The following GPHN variants were observed in gnomAD, a reference collection of about 807,000 sequenced individuals.
The protein encoded by GPHN is gephyrin.
In GPHN, 17 loss-of-function variants were observed where a neutral mutation model predicts 95.5. The ratio of observed to expected loss-of-function variants is 0.18; its 90% CI spans 0.12 to 0.27. The LOEUF (loss-of-function observed/expected upper bound fraction) is 0.27, where lower values mean the gene tolerates loss of function less well. Among genes scored for constraint, GPHN ranks in the 10% least tolerant of loss-of-function variants. The pLI, the probability that GPHN is intolerant of heterozygous loss-of-function variation, is 1.00. For synonymous variants in GPHN, 320 were observed against 322.5 expected (o/e 0.99, Z 0.08); for missense variants, 660 against 978.1 (o/e 0.67, Z 4.34).
At chr14:67,103,509 CTCTTT>C (rs2077849006) in intron 13 of GPHN, among the ~76,000 whole-genome samples, 1 of 65,610 alleles carries the variant, frequency 1.5e-5, no homozygotes, top group African/African-American at 6.7e-5. Flanking sequence ...CTGTTTCTTT[CTCTTT>C]TTTTTTTTTT....
intron 3 of GPHN, among the ~76,000 whole-genome samples, chr14:66,809,272 G>A (rs1566968021): frequency 6.6e-6 from 1 of 151,922 alleles, no homozygotes; most frequent in Non-Finnish European, 1.5e-5. Context: ...AAGTACTGGG[G>A]GTATATCACA....
the GPHN span, among the ~76,000 whole-genome samples, chr14:67,213,797 C>T: frequency 1.3e-5 from 2 of 152,152 alleles, no homozygotes; most frequent in Non-Finnish European, 2.9e-5. Flanking sequence ...TAAAAGTGTT[C>T]CTATTTCTCC....
At chr14:66,729,198 A>T (rs1044898136) in intron 2 of GPHN, among the ~76,000 whole-genome samples, 4 of 152,084 alleles carry the variant, frequency 2.6e-5, no homozygotes, top group Non-Finnish European at 5.9e-5. Context: ...AAACCTCTTT[A>T]TTTTGTAAAT....
chr14:67,692,290 T>C, the GPHN span: 2 of 754,472 alleles, frequency 2.7e-6, no homozygotes, highest in East Asian at 2.6e-5. Flanking sequence ...ACATAAATTG[T>C]GTCCCAGTGA....
chr14:67,210,721 T>C, the GPHN span, among the ~76,000 whole-genome samples: 1 of 151,734 alleles, frequency 6.6e-6, no homozygotes, highest in Non-Finnish European at 1.5e-5. Context: ...CAATAGAGAA[T>C]GAACTTTGCC....
chr14:67,011,594 A>G (rs1158121248), intron 9 of GPHN, among the ~76,000 whole-genome samples: 5 of 151,214 alleles, frequency 3.3e-5, no homozygotes, highest in Admixed American at 6.6e-5. Context: ...AAAAAAAAAA[A>G]AAGAAGGAAA....
chr14:67,434,737 C>T, the GPHN span, among the ~76,000 whole-genome samples: 1 of 152,044 alleles, frequency 6.6e-6, no homozygotes, highest in Non-Finnish European at 1.5e-5. Context: ...TGTCTTGGTC[C>T]GTGTTTTGTT....
At chr14:66,629,081 ATATATATATATATAAATATATATT>A (rs1249886952) in intron 1 of GPHN, among the ~76,000 whole-genome samples, 58 of 85,474 alleles carry the variant, frequency 6.8e-4, no homozygotes, top group African/African-American at 2.1e-3. Flanking sequence ...AAAAAAATAC[ATATATATATATATAAATATATATT>A]TATATACATA....
At chr14:66,676,833 A>G (rs186897380) in intron 1 of GPHN, among the ~76,000 whole-genome samples, 23 of 152,058 alleles carry the variant, frequency 1.5e-4, no homozygotes, top group Non-Finnish European at 2.4e-4. Context: ...GACCTCGTAG[A>G]ATGAATTAGG....
the GPHN span, among the ~76,000 whole-genome samples, chr14:67,341,497 G>A: frequency 8.6e-5 from 13 of 151,664 alleles, no homozygotes; most frequent in Admixed American, 1.3e-4. Context: ...CAGCCGCCCC[G>A]TCCGGGAGGG....
the GPHN span, among the ~76,000 whole-genome samples, chr14:67,310,285 T>C: frequency 1.3e-5 from 2 of 152,234 alleles, no homozygotes; most frequent in South Asian, 4.1e-4. Context: ...TGAGGTTCTT[T>C]AGGGCACTTT....
At chr14:67,119,770 A>G (rs1262304175) in intron 16 of GPHN, among the ~76,000 whole-genome samples, 1 of 152,172 alleles carries the variant, frequency 6.6e-6, no homozygotes, top group Admixed American at 6.5e-5. Flanking sequence ...AGCCTGGGCA[A>G]CAAGAGCTTG....
intron 17 of GPHN, among the ~76,000 whole-genome samples, chr14:67,123,606 G>A (rs1460087454): frequency 1.3e-5 from 2 of 152,132 alleles, no homozygotes; most frequent in Non-Finnish European, 2.9e-5. Flanking sequence ...AGCCTGGGGG[G>A]CGGAGGTTGA....
chr14:67,548,750 TA>T, the GPHN span, among the ~76,000 whole-genome samples: 3 of 152,204 alleles, frequency 2.0e-5, no homozygotes, highest in Non-Finnish European at 2.9e-5. Context: ...TTTTGTAGCT[TA>T]AAAACTTCTA....
the GPHN span, chr14:67,575,940 A>C: frequency 1.2e-6 from 2 of 1,613,876 alleles, no homozygotes; most frequent in Admixed American, 1.7e-5. Flanking sequence ...CTCCCACTGC[A>C]CCCTGGTGAT....
chr14:67,646,788 G>C, the GPHN span: 1 of 1,519,508 alleles, frequency 6.6e-7, no homozygotes, highest in Non-Finnish European at 9.1e-7. Context: ...AGCCAATTAT[G>C]TTCTATTTGA....
intron 2 of GPHN, among the ~76,000 whole-genome samples, chr14:66,697,578 G>C (rs188496423): frequency 6.6e-6 from 1 of 151,642 alleles, no homozygotes; most frequent in Non-Finnish European, 1.5e-5. Flanking sequence ...TCTTATATTG[G>C]ATAGATGGTG....
chr14:66,550,783 C>T (rs1024619337), intron 1 of GPHN, among the ~76,000 whole-genome samples: 3 of 152,154 alleles, frequency 2.0e-5, no homozygotes, highest in Admixed American at 1.3e-4. Flanking sequence ...AGACTCTCCA[C>T]CAGCAAAAAG....
chr14:67,352,706 G>A, the GPHN span: 2 of 444,728 alleles, frequency 4.5e-6, no homozygotes, highest in East Asian at 3.9e-5. Flanking sequence ...GGCAGGCGGG[G>A]GGCCAATCAG....
Sources: gnomAD v4.1 joint callset for allele counts (sites outside exome capture counted in the v4.1 genomes callset) on GRCh38, gnomAD v4.1.1 for gene constraint, MANE v1.5 for transcripts, NCBI Gene and HGNC (gene_info 2026-07-23, HGNC 2026-07-21) for gene names.